The following PHKB variants were observed in gnomAD, a reference collection of about 807,000 sequenced individuals.
The protein encoded by PHKB is phosphorylase b kinase regulatory subunit beta.
In PHKB, 122 loss-of-function variants were observed where a neutral mutation model predicts 152.1. That is an observed-to-expected ratio of 0.80 (90% confidence interval 0.69 to 0.93). PHKB has a LOEUF of 0.93. Among genes scored for constraint, PHKB ranks in the 40% least tolerant of loss-of-function variants. The pLI, the probability that PHKB is intolerant of heterozygous loss-of-function variation, is 0.00. For synonymous variants in PHKB, 436 were observed against 464.9 expected (o/e 0.94, Z 0.80); for missense variants, 1,304 against 1,328.4 (o/e 0.98, Z 0.29).
intron 25 of PHKB, among the ~76,000 whole-genome samples, chr16:47,666,543 C>T (rs894035829): frequency 3.9e-5 from 6 of 152,250 alleles, no homozygotes; most frequent in African/African-American, 7.2e-5. Flanking sequence ...CTCCTCCTCA[C>T]GGAGCCATCT....
At position 47,699,512 on chromosome 16, in the gene PHKB, C is replaced by T; in HGVS notation, c.*146C>T. 1 of 878,138 alleles carries T rather than the reference C, an allele frequency of 1.1e-6. No individual in the cohort carries two copies. The highest frequency in any genetic ancestry group is 1.3e-5 in the South Asian group (1 of 75,054). 54.4% of individuals were successfully genotyped at this position (878,138 alleles called of 1,614,324 possible). ...ACATCCTTGGCGGGGTTATGGACCT[C>T]TTGCATGTCATAGCCAATCTAACGG... On this transcript the variant is annotated 3_prime_UTR_variant, in exon 31 of 31. Coordinates refer to ENST00000323584, the MANE Select transcript of PHKB (RefSeq NM_000293.3).
At chr16:47,608,784 G>C (rs1355691074) in intron 13 of PHKB, among the ~76,000 whole-genome samples, 5 of 152,060 alleles carry the variant, frequency 3.3e-5, no homozygotes, top group Non-Finnish European at 7.4e-5. Context: ...TACATGCAAG[G>C]GTTTATTTTT....
At chr16:47,500,006 C>A in intron 3 of PHKB, 112 bp downstream of exon 3, 1 of 1,179,330 alleles carries the variant, frequency 8.5e-7, no homozygotes, top group Non-Finnish European at 1.3e-6. Flanking sequence ...CACTGTGCGA[C>A]CTATGACTGC....
chr16:47,610,757 A>G, intron 13 of PHKB, 69 bp from the exon 14 acceptor site: 1 of 854,582 alleles, frequency 1.2e-6, no homozygotes, highest in South Asian at 1.4e-5. Flanking sequence ...GTATTTTCTA[A>G]AAGTCTAGTT....
In PHKB at chr16:47,648,431, CTTT is replaced by C. The variant is rs1973173257; in HGVS notation, c.1609-101_1609-99del. The C allele has an allele frequency of 1.0e-5, 9 of 874,866 alleles. No individual in the cohort carries two copies. The Admixed American group carries it at 1.4e-4, about 13-fold the overall frequency. 54.2% of individuals were successfully genotyped at this position (874,866 alleles called of 1,614,324 possible). On this transcript the variant is annotated intron_variant, in intron 16 of 30. Coordinates refer to ENST00000323584, the MANE Select transcript of PHKB (RefSeq NM_000293.3). The stretch of plus-strand genomic sequence containing the variant: ...TTTTTGGATTAGGGTTCCCTAGCTT[CTTT>C]CTCTCTGGAAAGATCAAAAATTAAC...
chr16:47,620,544 T>G (rs1316096152), intron 14 of PHKB, among the ~76,000 whole-genome samples: 2 of 152,218 alleles, frequency 1.3e-5, no homozygotes, highest in African/African-American at 4.8e-5. Flanking sequence ...CCAGGCTTCA[T>G]TCTTTCCCAC....
chr16:47,474,819 G>A (rs1969840564), intron 1 of PHKB, among the ~76,000 whole-genome samples: 2 of 151,848 alleles, frequency 1.3e-5, no homozygotes, highest in South Asian at 4.1e-4. Flanking sequence ...CCATCTCCCA[G>A]GTTCAAGCGA....
chr16:47,596,191 C>A (rs1426548983), intron 12 of PHKB, among the ~76,000 whole-genome samples, 182 bp from the exon 13 acceptor site: 1 of 152,096 alleles, frequency 6.6e-6, no homozygotes, highest in African/African-American at 2.4e-5. Flanking sequence ...ATAAAACGTA[C>A]CTTTGCTCTT....
At chr16:47,465,003 G>A (rs997241684) in intron 1 of PHKB, among the ~76,000 whole-genome samples, 3 of 152,032 alleles carry the variant, frequency 2.0e-5, no homozygotes, top group Admixed American at 6.6e-5. Context: ...ATTCATTTTC[G>A]TTTATATTTC....
At chr16:47,629,819 A>G (rs1972789643) in intron 14 of PHKB, among the ~76,000 whole-genome samples, 1 of 152,186 alleles carries the variant, frequency 6.6e-6, no homozygotes, top group African/African-American at 2.4e-5. Flanking sequence ...TGTGGCACAT[A>G]TACACCATGG....
At chr16:47,552,670 G>A (rs1166623558) in intron 7 of PHKB, among the ~76,000 whole-genome samples, 1 of 152,058 alleles carries the variant, frequency 6.6e-6, no homozygotes, top group Non-Finnish European at 1.5e-5. Flanking sequence ...TTAGCCGAGT[G>A]TGGTGGCGGG....
At chr16:47,495,336 A>T (rs1240898611) in intron 1 of PHKB, among the ~76,000 whole-genome samples, 1 of 151,890 alleles carries the variant, frequency 6.6e-6, no homozygotes, top group Non-Finnish European at 1.5e-5. Flanking sequence ...AAATCAATTC[A>T]CCTACCATTG....
intron 6 of PHKB, 110 bp downstream of exon 6, chr16:47,515,711 C>A: frequency 1.5e-6 from 1 of 684,286 alleles, no homozygotes. Flanking sequence ...ATTCCTGTTA[C>A]ATTTATATAA....
chr16:47,596,407 A>G lies in PHKB; in HGVS notation c.1239A>G (p.Pro413=). 6.2e-7 allele frequency: 1 copy of G among 1,610,834 alleles called. No homozygotes were observed. Among genetic ancestry groups the G allele is most frequent in the Non-Finnish European group, 8.5e-7 (1 of 1,177,020 alleles). The change falls in exon 13 of 31, where the codon CCA becomes CCG. Residue 413 remains proline (P), a synonymous_variant. Coordinates refer to ENST00000323584, the MANE Select transcript of PHKB (RefSeq NM_000293.3). Reference sequence around the variant, plus strand: ...TTGTACCAAAGTACTATTATGTGCCAGCTGACTTTGTAGAATATGAAAAAA... The same window carrying G: ...TTGTACCAAAGTACTATTATGTGCCGGCTGACTTTGTAGAATATGAAAAAA... The part of the protein sequence containing the change: ...YPVVPKYYYV[P]ADFVEYEKNN...
intron 3 of PHKB, among the ~76,000 whole-genome samples, chr16:47,501,514 A>G (rs1178078037): frequency 6.6e-6 from 1 of 152,130 alleles, no homozygotes. Context: ...AGGTATAATA[A>G]TGGTATTATG....
At chr16:47,572,004 A>G (rs1971668273) in intron 7 of PHKB, among the ~76,000 whole-genome samples, 1 of 152,164 alleles carries the variant, frequency 6.6e-6, no homozygotes. Flanking sequence ...GACTGCCACA[A>G]TCCAGGCCTG....
chr16:47,612,458 T>G (rs1416147358), intron 14 of PHKB, among the ~76,000 whole-genome samples: 1 of 152,340 alleles, frequency 6.6e-6, no homozygotes, highest in Non-Finnish European at 1.5e-5. Context: ...TGGTGTACAA[T>G]ATACTACTTG....
intron 13 of PHKB, among the ~76,000 whole-genome samples, chr16:47,608,127 T>G (rs1262806984): frequency 6.6e-6 from 1 of 152,198 alleles, no homozygotes; most frequent in Non-Finnish European, 1.5e-5. Flanking sequence ...TTCTCACCAT[T>G]CTTTGGGCTG....
chr16:47,534,462 C>G (rs1014239767), intron 6 of PHKB, among the ~76,000 whole-genome samples: 1 of 152,076 alleles, frequency 6.6e-6, no homozygotes, highest in African/African-American at 2.4e-5. Flanking sequence ...TTCATTGCAG[C>G]ACTGTTGCAT....
Sources: allele counts gnomAD v4.1 joint callset (sites outside exome capture counted in the v4.1 genomes callset), GRCh38; gene constraint gnomAD v4.1.1; transcripts MANE v1.5; gene names NCBI Gene and HGNC (gene_info 2026-07-23, HGNC 2026-07-21).